The following CAPZA2 variants were observed in gnomAD, a reference collection of about 807,000 sequenced individuals.
CAPZA2 encodes the protein capping actin protein of muscle Z-line subunit alpha 2.
In CAPZA2, 13 loss-of-function variants were observed where a neutral mutation model predicts 44.0. The ratio of observed to expected loss-of-function variants is 0.30; its 90% confidence interval spans 0.19 to 0.47. CAPZA2 has a LOEUF of 0.47. Ranked by LOEUF, CAPZA2 falls within the 20% of genes least tolerant of loss-of-function variation. The probability of loss-of-function intolerance (pLI) is 1.00; values close to 1 mark genes in which losing one functional copy is unlikely to be tolerated. For missense variants in CAPZA2, 244 were observed against 338.6 expected (o/e 0.72, Z 2.19); for synonymous variants, 94 against 108.2 (o/e 0.87, Z 0.81).
At chr7:116,916,866 A>C (rs555042560) in intron 9 of CAPZA2, among the ~76,000 whole-genome samples, 1 of 152,324 alleles carries the variant, frequency 6.6e-6, no homozygotes, top group African/African-American at 2.4e-5. Context: ...CAAGCTTTGG[A>C]AACTGGATTT....
At chr7:116,883,386 G>A (rs1796723954) in intron 1 of CAPZA2, among the ~76,000 whole-genome samples, 1 of 152,120 alleles carries the variant, frequency 6.6e-6, no homozygotes, top group South Asian at 2.1e-4. Flanking sequence ...AAAAATACCT[G>A]GATGGTTGAA....
At chr7:116,903,063 C>G (rs1797016406) in intron 4 of CAPZA2, among the ~76,000 whole-genome samples, 1 of 152,090 alleles carries the variant, frequency 6.6e-6, no homozygotes, top group Non-Finnish European at 1.5e-5. Context: ...AAGGAAACAG[C>G]CCAGAAATAA....
intron 1 of CAPZA2, among the ~76,000 whole-genome samples, chr7:116,866,329 G>T (rs1317270567): frequency 6.6e-6 from 1 of 151,928 alleles, no homozygotes; most frequent in Non-Finnish European, 1.5e-5. Context: ...CTGCCACCGC[G>T]CCCGGCTAAT....
intron 2 of CAPZA2, among the ~76,000 whole-genome samples, chr7:116,889,858 G>A (rs1796809251): frequency 6.6e-6 from 1 of 152,198 alleles, no homozygotes. Flanking sequence ...CTCATGTAGT[G>A]AACTAGGGAG....
intron 1 of CAPZA2, among the ~76,000 whole-genome samples, chr7:116,869,121 TA>T (rs1454022068): frequency 6.6e-6 from 1 of 152,236 alleles, no homozygotes; most frequent in Non-Finnish European, 1.5e-5. Context: ...AGCTATGACC[TA>T]AAAGCCTAAT....
intron 9 of CAPZA2, 30 bp from the exon 10 acceptor site, chr7:116,917,697 C>T (rs1197383727): frequency 1.3e-6 from 2 of 1,525,378 alleles, no homozygotes; most frequent in South Asian, 1.1e-5. Flanking sequence ...CTTTGCTTTA[C>T]TTTAAACTTC....
rs180820064 is a variant in CAPZA2, at chr7:116,910,670, G to A, written c.585+359G>A. On this transcript the variant is annotated intron_variant, in intron 7 of 9. Transcript: ENST00000361183. ...GGGGTGAAGTATCATATTAATATAT[G>A]CATGTGTGTAGTTGTATAAATATAT... Among the ~76,000 whole-genome samples the A allele has an allele frequency of 2.4e-3, 362 of 152,220 alleles. 7 individuals carry two copies. The highest frequency in any genetic ancestry group is 0.02 in the Admixed American group (300 of 15,286).
chr7:116,910,121 G>C, intron 6 of CAPZA2, 112 bp from the exon 7 acceptor site: 1 of 716,802 alleles, frequency 1.4e-6, no homozygotes. Flanking sequence ...TTAATGTCCA[G>C]TATTCATCCC....
chr7:116,888,183 T>C lies in CAPZA2; in HGVS notation c.96T>C (p.Val32=), dbSNP rs201025063. The C allele has an allele frequency of 2.5e-5, 40 of 1,608,660 alleles. No homozygotes were observed. Among genetic ancestry groups the C allele is most frequent in the Non-Finnish European group, 3.3e-5 (39 of 1,176,170 alleles). ...CCCCTCCTGGAGAATTTAATGAGGT[T>C]TTCAATGGTGAGTGTTTGATTTATA... ...IHAPPGEFNE[V]FNDVRLLLNN... The change falls in exon 2 of 10, where the codon GTT becomes GTC. Residue 32 remains valine (V), a synonymous_variant. Transcript: ENST00000361183.
intron 1 of CAPZA2, among the ~76,000 whole-genome samples, 191 bp downstream of exon 1, chr7:116,862,841 G>C (rs1302943964): frequency 1.3e-5 from 2 of 152,032 alleles, no homozygotes; most frequent in Non-Finnish European, 1.5e-5. Flanking sequence ...CGCGGGGGCA[G>C]GTCTCTGCCA....
At chr7:116,881,688 A>G (rs571849639) in intron 1 of CAPZA2, among the ~76,000 whole-genome samples, 25 of 149,846 alleles carry the variant, frequency 1.7e-4, no homozygotes, top group Admixed American at 2.7e-4. Context: ...GCAGTGAGCC[A>G]AGATCGCACC....
At position 116,919,930 on chromosome 7, in the gene CAPZA2, T is replaced by C. The variant is rs1202796773; in HGVS notation, c.*2063T>C. Reference sequence around the variant, plus strand: ...AGTCTGAAATAATGATGGCACAGAATAGTCTTTTATAGTATAAGAATGGCA... The same window carrying C: ...AGTCTGAAATAATGATGGCACAGAACAGTCTTTTATAGTATAAGAATGGCA... On this transcript the variant is annotated 3_prime_UTR_variant, in exon 10 of 10. Transcript: ENST00000361183. 1.3e-5 allele frequency: 2 copies of C among 149,784 alleles called. No individual in the cohort carries two copies. The highest frequency in any genetic ancestry group is 4.9e-5 in the African/African-American group (2 of 40,778). 9.3% of individuals were successfully genotyped at this position (149,784 alleles called of 1,614,324 possible).
chr7:116,869,640 G>T (rs928677208), intron 1 of CAPZA2, among the ~76,000 whole-genome samples: 1 of 152,190 alleles, frequency 6.6e-6, no homozygotes, highest in Non-Finnish European at 1.5e-5. Flanking sequence ...GATAGGCAAG[G>T]ATATAGTTCA....
At chr7:116,905,138 CAAA>C (rs1164804320) in intron 5 of CAPZA2, among the ~76,000 whole-genome samples, 1 of 79,268 alleles carries the variant, frequency 1.3e-5, no homozygotes, top group Admixed American at 1.4e-4. Flanking sequence ...GACTCTGTCT[CAAA>C]AAAAAAAAAA....
chr7:116,900,546 A>G (rs917372482), intron 4 of CAPZA2, among the ~76,000 whole-genome samples: 11 of 151,992 alleles, frequency 7.2e-5, no homozygotes, highest in African/African-American at 2.4e-4. Flanking sequence ...AGAGTGGGCC[A>G]GGGAATTCAA....
intron 1 of CAPZA2, among the ~76,000 whole-genome samples, chr7:116,881,238 A>G (rs1283394227): frequency 6.6e-6 from 1 of 152,170 alleles, no homozygotes; most frequent in African/African-American, 2.4e-5. Context: ...TATCCATATA[A>G]CAGTATAATA....
chr7:116,883,934 A>G (rs1234722155), intron 1 of CAPZA2, among the ~76,000 whole-genome samples: 1 of 152,356 alleles, frequency 6.6e-6, no homozygotes, highest in East Asian at 1.9e-4. Flanking sequence ...AGTATTAAAA[A>G]TAATTACCTC....
At position 116,916,089 on chromosome 7, in the gene CAPZA2, A is replaced by C; in HGVS notation, c.687A>C (p.Ile229=). 6.5e-7 allele frequency: 1 copy of C among 1,537,766 alleles called. No individual in the cohort carries two copies. The stretch of plus-strand genomic sequence containing the variant: ...AAGTGCAAACAGCAAAAGAATTTAT[A>C]AAGATTGTAGAAGCTGCAGAAAATG... The part of the protein sequence containing the change: ...SNEVQTAKEF[I]KIVEAAENEY... Residue 229 remains isoleucine (I), a synonymous_variant, in exon 9 of 10, where the codon ATA becomes ATC. Transcript: ENST00000361183.
In CAPZA2 at chr7:116,917,786, A is replaced by G; in HGVS notation, c.780A>G (p.Arg260=). 6.2e-7 allele frequency: 1 copy of G among 1,609,848 alleles called. No individual in the cohort carries two copies. The highest frequency in any genetic ancestry group is 1.1e-5 in the South Asian group (1 of 90,998). ...ACACTACTTTCAAAGCCTTACGTCG[A>G]CAGTTGCCAGTTACACGCACTAAGA... ...MSDTTFKALR[R]QLPVTRTKID... Residue 260 remains arginine (R), a synonymous_variant, in exon 10 of 10, where the codon CGA becomes CGG. Coordinates refer to ENST00000361183, the MANE Select transcript of CAPZA2 (RefSeq NM_006136.3).
Sources: gnomAD v4.1 joint callset for allele counts (sites outside exome capture counted in the v4.1 genomes callset) on GRCh38, gnomAD v4.1.1 for gene constraint, MANE v1.5 for transcripts, NCBI Gene and HGNC (gene_info 2026-07-23, HGNC 2026-07-21) for gene names.